Variants in PRKG1 observed in about 807,000 individuals in gnomAD.
PRKG1 encodes protein kinase cGMP-dependent 1.
PRKG1 carries 35 observed loss-of-function variants against 88.1 expected under a neutral mutation model. The observed-to-expected ratio is 0.40, with a 90% CI of 0.30 to 0.53. The LOEUF is 0.53. PRKG1 is among the 20% of genes least tolerant of loss of function. The probability of loss-of-function intolerance (pLI) is 0.59; values close to 1 mark genes in which losing one functional copy is unlikely to be tolerated. For missense variants in PRKG1, 540 were observed against 839.8 expected (o/e 0.64, Z 4.41); for synonymous variants, 303 against 292.5 (o/e 1.04, Z -0.37).
At chr10:51,676,736 C>G (rs957473723) in intron 3 of PRKG1, among the ~76,000 whole-genome samples, 1 of 152,208 alleles carries the variant, frequency 6.6e-6, no homozygotes, top group East Asian at 1.9e-4. Flanking sequence ...AAGCCAGAAA[C>G]CATTTGCTGT....
intron 2 of PRKG1, among the ~76,000 whole-genome samples, chr10:51,212,925 G>A (rs1239209478): frequency 6.6e-6 from 1 of 152,130 alleles, no homozygotes; most frequent in African/African-American, 2.4e-5. Context: ...CAGGGATCTA[G>A]AACTAGAAAT....
intron 3 of PRKG1, among the ~76,000 whole-genome samples, chr10:51,635,247 A>G (rs1423436804): frequency 1.3e-5 from 2 of 151,412 alleles, no homozygotes; most frequent in Non-Finnish European, 2.9e-5. Flanking sequence ...AGGTTGAAAT[A>G]GACTGGAAAG....
At chr10:51,494,614 A>C (rs1380114682) in intron 3 of PRKG1, among the ~76,000 whole-genome samples, 1 of 152,226 alleles carries the variant, frequency 6.6e-6, no homozygotes, top group Non-Finnish European at 1.5e-5. Context: ...TGGTAATTAC[A>C]AACTATAACT....
intron 8 of PRKG1, among the ~76,000 whole-genome samples, chr10:52,135,648 G>C (rs1477761937): frequency 6.6e-6 from 1 of 152,058 alleles, no homozygotes; most frequent in East Asian, 1.9e-4. Flanking sequence ...AGTTGGGATA[G>C]AAAAGATGTA....
At chr10:51,293,204 C>CT (rs35655883) in intron 2 of PRKG1, among the ~76,000 whole-genome samples, 73,409 of 151,806 alleles carry the variant, frequency 0.48, 19,781 homozygotes, top group African/African-American at 0.73. Flanking sequence ...TTTTTTCTTT[C>CT]TTTTTTGTAT....
At chr10:51,168,076 GT>G (rs1214057093) in intron 2 of PRKG1, among the ~76,000 whole-genome samples, 3 of 152,110 alleles carry the variant, frequency 2.0e-5, no homozygotes, top group Non-Finnish European at 4.4e-5. Context: ...AATATTTTTA[GT>G]AAACTGAAAA....
At chr10:51,954,822 C>G (rs1843265337) in intron 5 of PRKG1, among the ~76,000 whole-genome samples, 1 of 152,118 alleles carries the variant, frequency 6.6e-6, no homozygotes, top group Non-Finnish European at 1.5e-5. Context: ...TTTCCCCCAT[C>G]TGGAGACAGA....
At chr10:51,322,288 C>T (rs956105386) in intron 2 of PRKG1, among the ~76,000 whole-genome samples, 3 of 152,204 alleles carry the variant, frequency 2.0e-5, no homozygotes, top group Non-Finnish European at 4.4e-5. Context: ...CATCTCTCAT[C>T]CTGAGAGTCA....
At chr10:51,158,100 A>G (rs1846260366) in intron 2 of PRKG1, among the ~76,000 whole-genome samples, 1 of 151,986 alleles carries the variant, frequency 6.6e-6, no homozygotes, top group Admixed American at 6.6e-5. Flanking sequence ...CCTACAGAAT[A>G]CTAGAACTTA....
At chr10:52,245,710 C>CT (rs1841004407) in intron 9 of PRKG1, among the ~76,000 whole-genome samples, 2 of 152,066 alleles carry the variant, frequency 1.3e-5, no homozygotes, top group African/African-American at 4.8e-5. Flanking sequence ...CAAAGCCAGG[C>CT]TAACTGATTT....
At chr10:51,225,311 T>C (rs535634690) in intron 2 of PRKG1, among the ~76,000 whole-genome samples, 2 of 152,322 alleles carry the variant, frequency 1.3e-5, no homozygotes, top group South Asian at 2.1e-4. Context: ...CCCTTACTTA[T>C]GAACTAATTA....
chr10:51,698,943 C>T (rs1413722456), intron 3 of PRKG1: 26 of 1,614,206 alleles, frequency 1.6e-5, no homozygotes, highest in Non-Finnish European at 2.2e-5. Flanking sequence ...TGAGATTTGC[C>T]TGGGATCAGT....
rs146739501 is a variant in PRKG1, at chr10:52,102,752, C to T, written c.936-31088C>T. ...TGTCAGACAATGAGGAAGACATAGACGCAGTGCCAGAAAACAAATTGACAT... is the reference window on the plus strand; with the variant it reads ...TGTCAGACAATGAGGAAGACATAGATGCAGTGCCAGAAAACAAATTGACAT... On this transcript the variant is annotated intron_variant, in intron 7 of 17. Transcript: ENST00000373980. 1.5e-4 allele frequency among the ~76,000 whole-genome samples: 23 copies of T among 151,794 alleles called. No individual in the cohort carries two copies. In the East Asian group the frequency reaches 2.5e-3, roughly 17 times the overall value.
chr10:52,033,794 T>G (rs1845530897), intron 5 of PRKG1, among the ~76,000 whole-genome samples: 1 of 152,144 alleles, frequency 6.6e-6, no homozygotes, highest in Non-Finnish European at 1.5e-5. Flanking sequence ...CAAACAGGCT[T>G]TGTGTGAGCA....
At chr10:52,204,351 G>A (rs1200349712) in intron 9 of PRKG1, among the ~76,000 whole-genome samples, 11 of 152,052 alleles carry the variant, frequency 7.2e-5, no homozygotes. Context: ...CTCCCAAAGT[G>A]CTAGGATTAC....
intron 3 of PRKG1, among the ~76,000 whole-genome samples, chr10:51,728,032 T>C (rs1286563349): frequency 1.3e-5 from 2 of 152,142 alleles, no homozygotes; most frequent in Non-Finnish European, 2.9e-5. Context: ...ATTTCAAAAA[T>C]AGTACCTCCT....
At chr10:51,622,649 C>G (rs1839238288) in intron 3 of PRKG1, among the ~76,000 whole-genome samples, 1 of 152,144 alleles carries the variant, frequency 6.6e-6, no homozygotes, top group Non-Finnish European at 1.5e-5. Flanking sequence ...TGGTAAGTGC[C>G]AGAGCTCAAG....
intron 3 of PRKG1, among the ~76,000 whole-genome samples, chr10:51,801,108 C>T (rs1440672878): frequency 6.6e-6 from 1 of 151,992 alleles, no homozygotes; most frequent in Non-Finnish European, 1.5e-5. Context: ...TAGCATTTAT[C>T]CCTTCATTTG....
At chr10:52,224,787 T>C (rs1840340540) in intron 9 of PRKG1, among the ~76,000 whole-genome samples, 1 of 123,874 alleles carries the variant, frequency 8.1e-6, no homozygotes, top group Non-Finnish European at 1.7e-5. Flanking sequence ...CACTCCTTTT[T>C]ATGGCTGCAT....
Sources: gnomAD v4.1 joint callset for allele counts (sites outside exome capture counted in the v4.1 genomes callset) on GRCh38, gnomAD v4.1.1 for gene constraint, MANE v1.5 for transcripts, NCBI Gene and HGNC (gene_info 2026-07-23, HGNC 2026-07-21) for gene names.